Variants in XKR4 observed in about 807,000 individuals in gnomAD.
XKR4 encodes XK-related protein 4.
Under a neutral mutation model 53.9 loss-of-function variants are expected in XKR4, and 12 were observed. That is an observed-to-expected ratio of 0.22 (90% CI 0.14 to 0.36). XKR4 has a LOEUF of 0.36. XKR4 is among the 10% of genes least tolerant of loss of function. The probability of loss-of-function intolerance (pLI) is 1.00; values close to 1 mark genes in which losing one functional copy is unlikely to be tolerated. For missense variants in XKR4, 799 were observed against 859.5 expected (o/e 0.93, Z 0.88); for synonymous variants, 354 against 362.4 (o/e 0.98, Z 0.26).
chr8:55,280,478 T>A (rs993798873), intron 1 of XKR4, among the ~76,000 whole-genome samples: 2 of 152,208 alleles, frequency 1.3e-5, no homozygotes, highest in African/African-American at 2.4e-5. Context: ...GGAAAGGTGC[T>A]TCTGCAGCCC....
At chr8:55,359,787 C>A (rs763208712) in intron 2 of XKR4, among the ~76,000 whole-genome samples, 1 of 151,334 alleles carries the variant, frequency 6.6e-6, no homozygotes, top group African/African-American at 2.4e-5. Context: ...AAGGACGATA[C>A]ATAAAATTGT....
At chr8:55,441,534 C>A (rs1479250969) in intron 2 of XKR4, among the ~76,000 whole-genome samples, 1 of 152,094 alleles carries the variant, frequency 6.6e-6, no homozygotes. Flanking sequence ...GGGAACATTG[C>A]ACTCGACTCC....
chr8:55,508,356 C>G (rs1466443418), intron 2 of XKR4, among the ~76,000 whole-genome samples: 1 of 152,158 alleles, frequency 6.6e-6, no homozygotes, highest in African/African-American at 2.4e-5. Context: ...TAGAACATCT[C>G]TAAATTCAAT....
intron 1 of XKR4, among the ~76,000 whole-genome samples, chr8:55,125,445 G>T (rs976945000): frequency 6.6e-6 from 1 of 152,118 alleles, no homozygotes; most frequent in East Asian, 1.9e-4. Context: ...TGTTGGTCAG[G>T]CTGGTCTCAA....
chr8:55,451,136 T>C (rs1563353602), intron 2 of XKR4: 4 of 517,656 alleles, frequency 7.7e-6, no homozygotes, highest in African/African-American at 1.9e-5. Flanking sequence ...CTGCTTGCTG[T>C]GGCCACAGGA....
At chr8:55,504,434 C>T (rs1806494112) in intron 2 of XKR4, among the ~76,000 whole-genome samples, 1 of 151,690 alleles carries the variant, frequency 6.6e-6, no homozygotes, top group African/African-American at 2.4e-5. Flanking sequence ...AGACTGGTCT[C>T]CAACTCCTGA....
At chr8:55,365,707 CAAAAAAA>C (rs397932881) in intron 2 of XKR4, among the ~76,000 whole-genome samples, 12 of 76,158 alleles carry the variant, frequency 1.6e-4, no homozygotes, top group African/African-American at 4.6e-4. Flanking sequence ...AACTTCGTCT[CAAAAAAA>C]AAAAAAAAAA....
At chr8:55,413,827 G>T (rs1256395915) in intron 2 of XKR4, among the ~76,000 whole-genome samples, 1 of 152,096 alleles carries the variant, frequency 6.6e-6, no homozygotes, top group African/African-American at 2.4e-5. Context: ...TATGTGAGAG[G>T]TAACCATAAC....
chr8:55,157,772 G>T (rs1182907367), intron 1 of XKR4, among the ~76,000 whole-genome samples: 2 of 152,200 alleles, frequency 1.3e-5, no homozygotes, highest in African/African-American at 4.8e-5. Context: ...AGAACATGCA[G>T]TATTTGGTTT....
At chr8:55,209,210 T>C (rs965423116) in intron 1 of XKR4, among the ~76,000 whole-genome samples, 1 of 89,536 alleles carries the variant, frequency 1.1e-5, no homozygotes, top group African/African-American at 3.4e-5. Context: ...TTTATGTGTG[T>C]GTGTGTGTGT....
At chr8:55,432,128 G>A (rs2129393669) in intron 2 of XKR4, among the ~76,000 whole-genome samples, 1 of 152,300 alleles carries the variant, frequency 6.6e-6, no homozygotes, top group South Asian at 2.1e-4. Flanking sequence ...AAGGCTCACT[G>A]CAATCTGAGC....
rs557585798 is a variant in XKR4, at chr8:55,473,275, A to G, written c.1007-50006A>G. Among the ~76,000 whole-genome samples, 57 of 152,298 alleles carry G rather than the reference A, an allele frequency of 3.7e-4. No individual in the cohort carries two copies. In the Middle Eastern group the frequency reaches 0.017, roughly 45 times the overall value. On this transcript the variant is annotated intron_variant, in intron 2 of 2. Transcript: ENST00000327381. Reference sequence around the variant, plus strand: ...ACACCCATCCTGTGAAGGAAGTAGGAAAGTGTTATTGTTCTTGTTTAGTGG... The same window carrying G: ...ACACCCATCCTGTGAAGGAAGTAGGGAAGTGTTATTGTTCTTGTTTAGTGG...
At chr8:55,179,936 A>AATACTAC (rs2129359564) in intron 1 of XKR4, among the ~76,000 whole-genome samples, 1 of 152,352 alleles carries the variant, frequency 6.6e-6, no homozygotes, top group South Asian at 2.1e-4. Flanking sequence ...TATTTATAGA[A>AATACTAC]GAGTTTCTTC....
chr8:55,115,300 A>AGTT (rs1218251956), intron 1 of XKR4, among the ~76,000 whole-genome samples: 11 of 152,270 alleles, frequency 7.2e-5, no homozygotes, highest in Non-Finnish European at 1.5e-4. Context: ...TTTCTCACCA[A>AGTT]ACACCTAGTA....
chr8:55,127,067 G>A (rs1816477186), intron 1 of XKR4, among the ~76,000 whole-genome samples: 1 of 152,100 alleles, frequency 6.6e-6, no homozygotes, highest in South Asian at 2.1e-4. Flanking sequence ...GTGCTAGTGG[G>A]TTGCATGGAG....
chr8:55,113,238 G>A (rs1563459419), intron 1 of XKR4, among the ~76,000 whole-genome samples: 2 of 152,198 alleles, frequency 1.3e-5, no homozygotes, highest in Non-Finnish European at 2.9e-5. Flanking sequence ...AAATACTCTA[G>A]AAAATATCAC....
At position 55,530,151 on chromosome 8, in the gene XKR4, G is replaced by GGAAC. The variant is rs1806928739; in HGVS notation, c.*5927_*5928insCGAA. The GGAAC allele has an allele frequency of 2.6e-4, 1 of 3,848 alleles. No homozygotes were observed. Among genetic ancestry groups the GGAAC allele is most frequent in the Non-Finnish European group, 5.1e-4 (1 of 1,970 alleles). 0.2% of individuals were successfully genotyped at this position (3,848 alleles called of 1,614,324 possible). On this transcript the variant is annotated 3_prime_UTR_variant, in exon 3 of 3. Coordinates refer to ENST00000327381, the MANE Select transcript of XKR4 (RefSeq NM_052898.2). ...AGAGAGGGAGGGAAGGAAGAAGGAA[G>GGAAC]GAAGGAAGGAAGGAAGGAAGGAAGG...
intron 1 of XKR4, among the ~76,000 whole-genome samples, chr8:55,251,868 C>A (rs114570628): frequency 0.01 from 1,581 of 152,268 alleles, 35 homozygotes; most frequent in African/African-American, 0.036. Context: ...ATACATTAAC[C>A]TTTTCATTCT....
intron 2 of XKR4, among the ~76,000 whole-genome samples, chr8:55,497,451 A>G (rs767829131): frequency 2.0e-5 from 3 of 152,198 alleles, no homozygotes; most frequent in Non-Finnish European, 4.4e-5. Flanking sequence ...TGTTTATTAT[A>G]TGTGTCTGTT....
Sources: gnomAD v4.1 joint callset for allele counts (sites outside exome capture counted in the v4.1 genomes callset) on GRCh38, gnomAD v4.1.1 for gene constraint, MANE v1.5 for transcripts, NCBI Gene and HGNC (gene_info 2026-07-23, HGNC 2026-07-21) for gene names.